Variants in WWTR1 observed in about 807,000 individuals in gnomAD.
WWTR1 encodes WW domain containing transcription regulator 1.
WWTR1 carries 13 observed loss-of-function variants against 40.1 expected under a neutral mutation model. That is an observed-to-expected ratio of 0.32 (90% CI 0.21 to 0.52). The LOEUF is 0.52. Among genes scored for constraint, WWTR1 ranks in the 20% least tolerant of loss-of-function variants. The pLI, the probability that WWTR1 is intolerant of heterozygous loss-of-function variation, is 0.97. For missense variants in WWTR1, 436 were observed against 523.1 expected, an observed-to-expected ratio of 0.83 and a Z score of 1.63; for synonymous variants, 230 against 210.1, an observed-to-expected ratio of 1.09 and a Z score of -0.82.
intron 3 of WWTR1, among the ~76,000 whole-genome samples, chr3:149,550,142 G>A (rs926168904): frequency 6.6e-6 from 1 of 152,108 alleles, no homozygotes; most frequent in Non-Finnish European, 1.5e-5. Context: ...GAACTTTGCT[G>A]GCTACTCTCT....
intron 2 of WWTR1, among the ~76,000 whole-genome samples, chr3:149,610,807 G>C (rs1008945488): frequency 1.1e-4 from 17 of 152,022 alleles, no homozygotes; most frequent in African/African-American, 3.9e-4. Context: ...CAACATCCGG[G>C]GGACTCAAAA....
In WWTR1 at chr3:149,656,995, A is replaced by G; in HGVS notation, c.312T>C (p.Gly104=). Residue 104 remains glycine (G), a synonymous_variant, in exon 2 of 7, where the codon GGT becomes GGC. Transcript: ENST00000360632. ...LQLGTGAGAA[G]SPAQQHAHLR... is the part of the protein sequence containing the mutation. ...GGTGCGCGTGCTGCTGCGCGGGGCT[A>G]CCCGCAGCACCCGCGCCGGTGCCCA... The G allele has an allele frequency of 6.3e-7, 1 of 1,597,202 alleles. No individual in the cohort carries two copies. Among genetic ancestry groups the G allele is most frequent in the Admixed American group, 1.7e-5 (1 of 59,134 alleles).
At chr3:149,716,013 T>C (rs767074221) in intron 5 of WWTR1, among the ~76,000 whole-genome samples, 25 of 152,092 alleles carry the variant, frequency 1.6e-4, no homozygotes, top group Admixed American at 5.2e-4. Flanking sequence ...ATGAAAACAT[T>C]GACAAAACAT....
At chr3:149,674,491 G>A (rs1296567373) in intron 1 of WWTR1, among the ~76,000 whole-genome samples, 1 of 152,070 alleles carries the variant, frequency 6.6e-6, no homozygotes. Context: ...GGAAGCTGGG[G>A]AAGAAGAATC....
chr3:149,700,131 T>A (rs1436370121), intron 1 of WWTR1, among the ~76,000 whole-genome samples: 1 of 152,140 alleles, frequency 6.6e-6, no homozygotes, highest in Non-Finnish European at 1.5e-5. Flanking sequence ...GCACATCACA[T>A]GGTGACAGTG....
At chr3:149,540,079 TACACAC>T (rs202144589) in intron 4 of WWTR1, 38,567 of 270,862 alleles carry the variant, frequency 0.14, 1,391 homozygotes, top group Non-Finnish European at 0.17. Flanking sequence ...TCCTCCTAAC[TACACAC>T]ACACACACAC....
At chr3:149,530,855 C>T (rs2107915403) in intron 4 of WWTR1, among the ~76,000 whole-genome samples, 1 of 152,174 alleles carries the variant, frequency 6.6e-6, no homozygotes, top group Middle Eastern at 3.4e-3. Flanking sequence ...CTGTAGGGGG[C>T]TCACAGTATC....
At chr3:149,670,711 C>CT (rs1714047168) in intron 1 of WWTR1, 1 of 151,802 alleles carries the variant, frequency 6.6e-6, no homozygotes, top group East Asian at 1.9e-4. Context: ...TGTCCAGGGC[C>CT]TGATGAGTAG....
intron 4 of WWTR1, among the ~76,000 whole-genome samples, chr3:149,720,294 C>T (rs1182076954): frequency 2.6e-5 from 4 of 152,160 alleles, no homozygotes; most frequent in South Asian, 2.1e-4. Context: ...CTAAATTATG[C>T]GTATGGTATT....
chr3:149,619,596 C>T (rs1267387707), intron 2 of WWTR1, among the ~76,000 whole-genome samples: 2 of 152,148 alleles, frequency 1.3e-5, no homozygotes, highest in African/African-American at 4.8e-5. Context: ...GTATTCCAGC[C>T]TGGGTGACAG....
intron 2 of WWTR1, among the ~76,000 whole-genome samples, chr3:149,648,106 T>C (rs1712638831): frequency 6.6e-6 from 1 of 152,208 alleles, no homozygotes; most frequent in Non-Finnish European, 1.5e-5. Context: ...GTTCCATTTA[T>C]GTCTAAGCAC....
chr3:149,652,726 C>T (rs780667904), intron 2 of WWTR1, among the ~76,000 whole-genome samples: 5 of 131,020 alleles, frequency 3.8e-5, no homozygotes, highest in Non-Finnish European at 8.2e-5. Flanking sequence ...AAACATCAAA[C>T]CTGGGAGAGA....
chr3:149,723,170 G>GTTTTC (rs1212382304), intron 4 of WWTR1, among the ~76,000 whole-genome samples: 2 of 108,550 alleles, frequency 1.8e-5, no homozygotes, highest in East Asian at 2.5e-4. Flanking sequence ...TGGTTTGCTG[G>GTTTTC]TTTTCTTTTC....
At chr3:149,531,154 C>T (rs896159553) in intron 4 of WWTR1, among the ~76,000 whole-genome samples, 3 of 152,126 alleles carry the variant, frequency 2.0e-5, no homozygotes, top group South Asian at 2.1e-4. Flanking sequence ...ATGCTGGTCT[C>T]GAACTCCTGG....
intron 3 of WWTR1, among the ~76,000 whole-genome samples, chr3:149,544,533 A>G (rs1736281365): frequency 2.0e-5 from 3 of 152,198 alleles, no homozygotes; most frequent in Admixed American, 2.0e-4. Flanking sequence ...TAGGCTACAT[A>G]AGGAACCTGG....
intron 2 of WWTR1, among the ~76,000 whole-genome samples, chr3:149,573,976 G>A (rs561470835): frequency 5.9e-4 from 90 of 151,970 alleles, no homozygotes; most frequent in Admixed American, 1.6e-3. Context: ...GATTCATCCC[G>A]TTCCTCTACT....
At chr3:149,583,642 A>G (rs1478949824) in intron 2 of WWTR1, among the ~76,000 whole-genome samples, 3 of 152,222 alleles carry the variant, frequency 2.0e-5, no homozygotes, top group Non-Finnish European at 4.4e-5. Flanking sequence ...CAGGGTTAGA[A>G]TATGGTGCTA....
At position 149,586,240 on chromosome 3, in the gene WWTR1, G is replaced by A. The variant is rs187325861; in HGVS notation, c.432-13240C>T. Among the ~76,000 whole-genome samples the A allele has an allele frequency of 1.6e-4, 24 of 151,604 alleles. No individual in the cohort carries two copies. The East Asian group carries it at 4.1e-3, about 26-fold the overall frequency. Reference sequence around the variant, plus strand: ...AAAGTTGCAAGAATATATACGGCACGGCCATCTACTGATTCACCAACTTTT... The same window carrying A: ...AAAGTTGCAAGAATATATACGGCACAGCCATCTACTGATTCACCAACTTTT... On this transcript the variant is annotated intron_variant, in intron 2 of 6. Transcript: ENST00000360632.
chr3:149,652,896 C>G (rs1214616407), intron 2 of WWTR1, among the ~76,000 whole-genome samples: 1 of 151,888 alleles, frequency 6.6e-6, no homozygotes, highest in African/African-American at 2.4e-5. Flanking sequence ...AAAAGTTGCC[C>G]TCTGTGAGCC....
Sources: allele counts gnomAD v4.1 joint callset (sites outside exome capture counted in the v4.1 genomes callset), GRCh38; gene constraint gnomAD v4.1.1; transcripts MANE v1.5; gene names NCBI Gene and HGNC (gene_info 2026-07-23, HGNC 2026-07-21).